The following ARHGEF7 variants were observed in gnomAD, a reference collection of about 807,000 sequenced individuals.
The protein encoded by ARHGEF7 is Rho guanine nucleotide exchange factor 7.
In ARHGEF7, 33 loss-of-function variants were observed where a neutral mutation model predicts 109.8. That is an observed-to-expected ratio of 0.30 (90% CI 0.23 to 0.40). The LOEUF (loss-of-function observed/expected upper bound fraction) is 0.40, where lower values mean the gene tolerates loss of function less well. Ranked by LOEUF, ARHGEF7 falls within the 10% of genes least tolerant of loss-of-function variation. The pLI is 1.00. For synonymous variants in ARHGEF7, 458 were observed against 424.6 expected (o/e 1.08, Z -0.97); for missense variants, 938 against 1,098.5 (o/e 0.85, Z 2.07).
chr13:111,293,830 G>C (rs1226523028), intron 19 of ARHGEF7: 1 of 985,248 alleles, frequency 1.0e-6, no homozygotes, highest in Non-Finnish European at 1.2e-6. Flanking sequence ...TGTTTGTGCA[G>C]AGTGAACTCT....
intron 5 of ARHGEF7, among the ~76,000 whole-genome samples, chr13:111,219,734 C>G (rs1047192002): frequency 3.3e-5 from 5 of 152,086 alleles, no homozygotes; most frequent in African/African-American, 1.2e-4. Flanking sequence ...ATTTAAAAGG[C>G]AGTATTTTTT....
intron 5 of ARHGEF7, among the ~76,000 whole-genome samples, chr13:111,224,438 C>T (rs886957908): frequency 2.0e-5 from 3 of 152,156 alleles, no homozygotes; most frequent in Non-Finnish European, 2.9e-5. Context: ...TGGACTCAGG[C>T]TTTTTTAGAT....
At chr13:111,277,378 T>C (rs1173818722) in intron 12 of ARHGEF7, among the ~76,000 whole-genome samples, 1 of 152,222 alleles carries the variant, frequency 6.6e-6, no homozygotes, top group Non-Finnish European at 1.5e-5. Flanking sequence ...ATGTTAAAGC[T>C]CTCTCATAAT....
chr13:111,244,802 TC>T (rs1369722818), intron 8 of ARHGEF7, among the ~76,000 whole-genome samples: 2 of 152,244 alleles, frequency 1.3e-5, no homozygotes, highest in Non-Finnish European at 2.9e-5. Context: ...CTCAGACACA[TC>T]TTTATTAATC....
chr13:111,287,333 G>C (rs879598900), intron 17 of ARHGEF7, among the ~76,000 whole-genome samples: 14 of 152,196 alleles, frequency 9.2e-5, no homozygotes, highest in Non-Finnish European at 1.9e-4. Flanking sequence ...GCTTCTCTCT[G>C]AGAGGGCTGT....
intron 2 of ARHGEF7, among the ~76,000 whole-genome samples, chr13:111,181,360 A>G (rs181386788): frequency 6.6e-4 from 100 of 152,294 alleles, no homozygotes; most frequent in Non-Finnish European, 1.2e-4. Flanking sequence ...TGTCTTGTTT[A>G]TGGCAGTTGA....
chr13:111,157,182 T>C (rs1329254947), intron 2 of ARHGEF7, among the ~76,000 whole-genome samples: 1 of 152,314 alleles, frequency 6.6e-6, no homozygotes, highest in East Asian at 1.9e-4. Flanking sequence ...GGTTTTAAGC[T>C]GGAAAACTTT....
At chr13:111,151,683 A>G (rs765944405) in intron 1 of ARHGEF7, among the ~76,000 whole-genome samples, 1 of 152,224 alleles carries the variant, frequency 6.6e-6, no homozygotes, top group Non-Finnish European at 1.5e-5. Flanking sequence ...CTCATGCCCG[A>G]ACAAAGCTTA....
intron 2 of ARHGEF7, among the ~76,000 whole-genome samples, chr13:111,169,934 CA>C (rs2077446688): frequency 6.6e-6 from 1 of 152,104 alleles, no homozygotes; most frequent in Non-Finnish European, 1.5e-5. Flanking sequence ...TGCAGAATAT[CA>C]GGGGGTGAGG....
chr13:111,298,313 A>G (rs1039754695), intron 19 of ARHGEF7, among the ~76,000 whole-genome samples: 1 of 152,240 alleles, frequency 6.6e-6, no homozygotes, highest in African/African-American at 2.4e-5. Context: ...TATGAGAAAC[A>G]CTGGCAGCTT....
chr13:111,286,602 G>A (rs2093031086), intron 17 of ARHGEF7, among the ~76,000 whole-genome samples: 1 of 152,158 alleles, frequency 6.6e-6, no homozygotes. Flanking sequence ...AGCACCCTGT[G>A]TCTGTTAGAA....
At chr13:111,279,310 C>A (rs1433943578) in intron 13 of ARHGEF7, among the ~76,000 whole-genome samples, 1 of 151,962 alleles carries the variant, frequency 6.6e-6, no homozygotes, top group African/African-American at 2.4e-5. Flanking sequence ...TGGACTGGAT[C>A]GTTCATGGCC....
At chr13:111,234,364 C>T (rs2086505753) in intron 6 of ARHGEF7, among the ~76,000 whole-genome samples, 1 of 152,186 alleles carries the variant, frequency 6.6e-6, no homozygotes, top group South Asian at 2.1e-4. Flanking sequence ...CTTCCATCTG[C>T]CCCAGCATCG....
intron 2 of ARHGEF7, among the ~76,000 whole-genome samples, chr13:111,188,644 G>C (rs781357150): frequency 3.9e-5 from 6 of 152,194 alleles, no homozygotes; most frequent in African/African-American, 1.4e-4. Flanking sequence ...TGATTACTGT[G>C]TTTAGAATTT....
intron 2 of ARHGEF7, among the ~76,000 whole-genome samples, chr13:111,163,863 T>A (rs951990331): frequency 6.6e-6 from 1 of 152,220 alleles, no homozygotes; most frequent in Admixed American, 6.5e-5. Context: ...TGCATTCTAT[T>A]TAACCCAGTG....
chr13:111,146,270 G>A (rs868166224), intron 1 of ARHGEF7, among the ~76,000 whole-genome samples: 52 of 152,216 alleles, frequency 3.4e-4, no homozygotes, highest in Admixed American at 3.0e-3. Flanking sequence ...GGTTCTCTAA[G>A]TATGGTCCTG....
intron 19 of ARHGEF7, among the ~76,000 whole-genome samples, chr13:111,299,149 C>T (rs1042056329): frequency 1.3e-5 from 2 of 152,136 alleles, no homozygotes; most frequent in African/African-American, 2.4e-5. Context: ...GTTTTGCAGA[C>T]GCACAAGGGG....
chr13:111,116,791 T>C (rs1349472136), intron 1 of ARHGEF7, among the ~76,000 whole-genome samples: 1 of 152,246 alleles, frequency 6.6e-6, no homozygotes, highest in Non-Finnish European at 1.5e-5. Flanking sequence ...GTACATATTC[T>C]CTTGCTACAT....
rs572255119 is a variant in ARHGEF7, at chr13:111,159,084, GCTT to G, written c.252+5096_252+5098del. The G allele has an allele frequency of 2.2e-4, 159 of 718,208 alleles. 1 individual carries two copies. The African/African-American group carries it at 2.6e-3, about 12-fold the overall frequency. The allele number at this position is 718,208 out of a possible 1,614,324, so 44.5% of individuals were successfully genotyped here. A position where few individuals can be genotyped will look rare whatever the true frequency, so the allele number is the denominator to read the frequency against. ...TCTGGTAACCACCATTCTCTTGTCT[GCTT>G]CTGTGAGTTCAGCTTTTTTACACTT... is the stretch of plus-strand genomic sequence containing the variant. On this transcript the variant is annotated intron_variant, in intron 2 of 21. Transcript: ENST00000646102.
Sources: allele counts gnomAD v4.1 joint callset (sites outside exome capture counted in the v4.1 genomes callset), GRCh38; gene constraint gnomAD v4.1.1; transcripts MANE v1.5; gene names NCBI Gene and HGNC (gene_info 2026-07-23, HGNC 2026-07-21).